The following ANKRD11 variants were observed in gnomAD, a reference collection of about 807,000 sequenced individuals.
ANKRD11 encodes the protein ankyrin repeat domain 11, also known as ankyrin repeat domain-containing protein 11.
Under a neutral mutation model 195.7 loss-of-function variants are expected in ANKRD11, and 17 were observed. That is an observed-to-expected ratio of 0.09 (90% confidence interval 0.06 to 0.13). ANKRD11 has a LOEUF of 0.13. Among genes scored for constraint, ANKRD11 ranks in the 10% least tolerant of loss-of-function variants. The pLI is 1.00. For synonymous variants in ANKRD11, 1,953 were observed against 1,528.1 expected, an observed-to-expected ratio of 1.28 and a Z score of -6.49; for missense variants, 3,735 against 3,566.1, an observed-to-expected ratio of 1.05 and a Z score of -1.21.
At chr16:89,341,715 C>T (rs1193177283) in intron 2 of ANKRD11, among the ~76,000 whole-genome samples, 9 of 152,236 alleles carry the variant, frequency 5.9e-5, no homozygotes, top group Non-Finnish European at 8.8e-5. Context: ...TAATGATATA[C>T]CTACAAAAGC....
chr16:89,367,447 C>T (rs1567707434), intron 2 of ANKRD11, among the ~76,000 whole-genome samples: 1 of 152,162 alleles, frequency 6.6e-6, no homozygotes, highest in South Asian at 2.1e-4. Flanking sequence ...TCTCAAACGA[C>T]CGGGAGTCTC....
intron 2 of ANKRD11, among the ~76,000 whole-genome samples, chr16:89,415,127 T>A (rs2042242609): frequency 6.6e-6 from 1 of 151,246 alleles, no homozygotes; most frequent in African/African-American, 2.4e-5. Flanking sequence ...CTCATTTTTT[T>A]ATTTTTTGTA....
At chr16:89,312,715 C>A (rs1180824979) in intron 3 of ANKRD11, among the ~76,000 whole-genome samples, 2 of 152,228 alleles carry the variant, frequency 1.3e-5, no homozygotes, top group Admixed American at 6.5e-5. Context: ...GACACGGCCT[C>A]CTGCTCCTCC....
chr16:89,364,261 C>T (rs1189931347), intron 2 of ANKRD11, among the ~76,000 whole-genome samples: 1 of 152,166 alleles, frequency 6.6e-6, no homozygotes, highest in African/African-American at 2.4e-5. Context: ...GGATTCAGCC[C>T]CCATCAGCCT....
At position 89,288,513 on chromosome 16, in the gene ANKRD11, CG is replaced by C. The variant is rs1567588445; in HGVS notation, c.744+14del. On this transcript the variant is annotated intron_variant, in intron 7 of 12. Coordinates refer to ENST00000301030, the MANE Select transcript of ANKRD11 (RefSeq NM_013275.6). Reference sequence around the variant, plus strand: ...CAGGACAGGCCGGATGTGTGAAGAACGGGGGGATGCCAACCTTGTAGTGCCC... The same window carrying C: ...CAGGACAGGCCGGATGTGTGAAGAACGGGGGATGCCAACCTTGTAGTGCCC... 1.2e-6 allele frequency: 2 copies of C among 1,613,984 alleles called. No homozygotes were observed. The highest frequency in any genetic ancestry group is 1.1e-5 in the South Asian group (1 of 91,072).
At chr16:89,474,526 G>C (rs1175643438) in intron 1 of ANKRD11, among the ~76,000 whole-genome samples, 1 of 150,978 alleles carries the variant, frequency 6.6e-6, no homozygotes, top group Non-Finnish European at 1.5e-5. Flanking sequence ...TGAAAGAAAA[G>C]CTTTCATCCA....
At chr16:89,355,668 T>C (rs948587125) in intron 2 of ANKRD11, among the ~76,000 whole-genome samples, 3 of 152,102 alleles carry the variant, frequency 2.0e-5, no homozygotes, top group African/African-American at 7.2e-5. Flanking sequence ...TTTCTTCCAT[T>C]AATAAGTAAA....
chr16:89,395,396 G>A (rs117939815), intron 2 of ANKRD11, among the ~76,000 whole-genome samples: 279 of 152,318 alleles, frequency 1.8e-3, no homozygotes, highest in Non-Finnish European at 1.4e-3. Flanking sequence ...GACATGGTCC[G>A]CTTGCTACTG....
chr16:89,269,957 T>C (rs935185629), intron 12 of ANKRD11: 7 of 152,352 alleles, frequency 4.6e-5, no homozygotes, highest in Admixed American at 4.6e-4. Context: ...TCCATGTGTC[T>C]TTATGAAGCT....
At chr16:89,349,911 C>CAAACAACAA (rs2039131175) in intron 2 of ANKRD11, among the ~76,000 whole-genome samples, 1 of 85,954 alleles carries the variant, frequency 1.2e-5, no homozygotes. Context: ...CACACACACA[C>CAAACAACAA]ATATTCAAAC....
chr16:89,363,773 T>C (rs1567702345), intron 2 of ANKRD11, among the ~76,000 whole-genome samples: 1 of 152,108 alleles, frequency 6.6e-6, no homozygotes. Flanking sequence ...AGTGGAGTGC[T>C]AGCCCTATGC....
intron 11 of ANKRD11, 93 bp downstream of exon 11, chr16:89,274,721 T>C: frequency 6.4e-7 from 1 of 1,573,742 alleles, no homozygotes; most frequent in South Asian, 1.1e-5. Flanking sequence ...CCCGGGAAGC[T>C]CCTGGTCAAA....
At chr16:89,378,215 G>GTA (rs2040502776) in intron 2 of ANKRD11, among the ~76,000 whole-genome samples, 1 of 152,146 alleles carries the variant, frequency 6.6e-6, no homozygotes, top group Admixed American at 6.6e-5. Context: ...AAAGTGCTTT[G>GTA]TATATGTCAG....
intron 3 of ANKRD11, among the ~76,000 whole-genome samples, chr16:89,306,393 CGCAGACACGCGCCACCTACCTCCCACTCT>C (rs2036244722): frequency 1.6e-4 from 10 of 62,860 alleles, no homozygotes; most frequent in Admixed American, 3.0e-4. Flanking sequence ...CCTCCCACTC[CGCAGACACGCGCCACCTACCTCCCACTCT>C]GCAGACACGC....
At chr16:89,290,315 TG>T (rs1196288326) in intron 6 of ANKRD11, among the ~76,000 whole-genome samples, 4 of 67,968 alleles carry the variant, frequency 5.9e-5, no homozygotes, top group Admixed American at 1.7e-4. Flanking sequence ...AGGGCTCCAA[TG>T]GGGGGAGGCT....
chr16:89,371,636 C>A (rs1048340827), intron 2 of ANKRD11, among the ~76,000 whole-genome samples: 1 of 152,132 alleles, frequency 6.6e-6, no homozygotes, highest in African/African-American at 2.4e-5. Flanking sequence ...ATGACGACAC[C>A]CAAGGAGGGG....
rs559999673 is a variant in ANKRD11 at position 89,443,165 on chromosome 16, T to C, written c.-144-24797A>G. Among the ~76,000 whole-genome samples, 269 of 152,238 alleles carry C rather than the reference T, an allele frequency of 1.8e-3. 3 individuals carry two copies. Among genetic ancestry groups the C allele is most frequent in the Admixed American group, 2.9e-3 (45 of 15,294 alleles). On this transcript the variant is annotated intron_variant, in intron 1 of 12. Coordinates refer to ENST00000301030, the MANE Select transcript of ANKRD11 (RefSeq NM_013275.6). ...CATCACCACGCCCAGCTAATTTTTA[T>C]ATTTTCAGTAGAGACAGGGTTTCAC...
chr16:89,388,318 G>A (rs2041019467), intron 2 of ANKRD11, among the ~76,000 whole-genome samples: 1 of 33,794 alleles, frequency 3.0e-5, no homozygotes, highest in Non-Finnish European at 7.8e-5. Flanking sequence ...TTTTTTTTGA[G>A]ACGGAGTCTT....
chr16:89,302,541 G>A (rs556329599), intron 4 of ANKRD11, among the ~76,000 whole-genome samples: 9 of 152,262 alleles, frequency 5.9e-5, no homozygotes, highest in Middle Eastern at 3.4e-3. Context: ...GTGAGCCACC[G>A]CGCCTGGCTG....
Sources: allele counts gnomAD v4.1 joint callset (sites outside exome capture counted in the v4.1 genomes callset), GRCh38; gene constraint gnomAD v4.1.1; transcripts MANE v1.5; gene names NCBI Gene and HGNC (gene_info 2026-07-23, HGNC 2026-07-21).